The following SPIDR variants were observed in gnomAD, a reference collection of about 807,000 sequenced individuals.
SPIDR encodes the protein DNA repair-scaffolding protein.
SPIDR carries 93 observed loss-of-function variants against 104.6 expected under a neutral mutation model. The observed-to-expected ratio is 0.89, with a 90% CI of 0.75 to 1.06. The LOEUF is 1.06. Ranked by LOEUF, SPIDR falls within the 50% of genes least tolerant of loss-of-function variation. The probability of loss-of-function intolerance (pLI) is 0.00; values close to 1 mark genes in which losing one functional copy is unlikely to be tolerated. For synonymous variants in SPIDR, 431 were observed against 416.9 expected (o/e 1.03, Z -0.41); for missense variants, 1,154 against 1,111.2 (o/e 1.04, Z -0.55).
intron 8 of SPIDR, among the ~76,000 whole-genome samples, chr8:47,459,739 G>T (rs1452164765): frequency 6.6e-6 from 1 of 151,792 alleles, no homozygotes; most frequent in Non-Finnish European, 1.5e-5. Context: ...TTGTCTGTTT[G>T]TACTGTTTCA....
At chr8:47,290,972 G>T in intron 3 of SPIDR, 61 bp from the exon 4 acceptor site, 2 of 1,291,272 alleles carry the variant, frequency 1.5e-6, no homozygotes, top group Non-Finnish European at 1.1e-6. Flanking sequence ...GCATAAAATT[G>T]TATTCTGATA....
chr8:47,562,885 T>C (rs1302557977), intron 8 of SPIDR, among the ~76,000 whole-genome samples: 1 of 152,182 alleles, frequency 6.6e-6, no homozygotes, highest in Non-Finnish European at 1.5e-5. Flanking sequence ...ACGTTCAGTC[T>C]AGCCTTTATC....
intron 11 of SPIDR, among the ~76,000 whole-genome samples, chr8:47,683,379 A>G (rs553887968): frequency 1.8e-4 from 28 of 152,234 alleles, no homozygotes; most frequent in African/African-American, 6.5e-4. Context: ...CTTTTGCTGT[A>G]GTGGGTGAAC....
intron 8 of SPIDR, among the ~76,000 whole-genome samples, chr8:47,504,741 CTG>C (rs1247385836): frequency 6.6e-6 from 1 of 152,166 alleles, no homozygotes; most frequent in African/African-American, 2.4e-5. Flanking sequence ...TTTTTCTGCT[CTG>C]TTTTTTCTCC....
At chr8:47,430,847 T>C (rs1554688691) in intron 7 of SPIDR, among the ~76,000 whole-genome samples, 3 of 152,246 alleles carry the variant, frequency 2.0e-5, no homozygotes. Flanking sequence ...TCCTATTTTC[T>C]GAGCCAAAAT....
intron 7 of SPIDR, among the ~76,000 whole-genome samples, chr8:47,418,528 A>G (rs1424710185): frequency 1.3e-5 from 2 of 152,168 alleles, no homozygotes; most frequent in East Asian, 1.9e-4. Context: ...GGCTGAGACG[A>G]TGGGTTTTTC....
intron 5 of SPIDR, among the ~76,000 whole-genome samples, chr8:47,366,087 A>G (rs1286465935): frequency 6.6e-6 from 1 of 152,178 alleles, no homozygotes; most frequent in Non-Finnish European, 1.5e-5. Context: ...AGATAAAACC[A>G]GGTGGTATAG....
At chr8:47,673,046 G>A (rs1479385106) in intron 10 of SPIDR, among the ~76,000 whole-genome samples, 1 of 152,058 alleles carries the variant, frequency 6.6e-6, no homozygotes, top group Non-Finnish European at 1.5e-5. Flanking sequence ...TGTCCATTTT[G>A]TGATGTTATT....
intron 14 of SPIDR, among the ~76,000 whole-genome samples, chr8:47,707,252 CAAAAAA>C (rs34372972): frequency 1.0e-5 from 1 of 95,434 alleles, no homozygotes; most frequent in Non-Finnish European, 2.1e-5. Context: ...GACTCTTTCT[CAAAAAA>C]AAAAAAAAAA....
intron 19 of SPIDR, chr8:47,732,335 T>C (rs765169219): frequency 1.6e-6 from 1 of 639,564 alleles, no homozygotes; most frequent in Non-Finnish European, 2.8e-6. Flanking sequence ...CAGAGCACCT[T>C]TGCCCATGCC....
intron 1 of SPIDR, among the ~76,000 whole-genome samples, chr8:47,266,911 C>T (rs1554547276): frequency 1.3e-5 from 2 of 152,214 alleles, no homozygotes; most frequent in Non-Finnish European, 2.9e-5. Context: ...TCTCTTCCCT[C>T]ATCCATTGGC....
chr8:47,700,350 G>C, intron 11 of SPIDR, 53 bp from the exon 12 acceptor site: 1 of 1,574,102 alleles, frequency 6.4e-7, no homozygotes, highest in Non-Finnish European at 8.7e-7. Context: ...CACTGGCCAA[G>C]TACTCAGTAA....
At chr8:47,509,622 G>A (rs775521651) in intron 8 of SPIDR, among the ~76,000 whole-genome samples, 4 of 152,078 alleles carry the variant, frequency 2.6e-5, no homozygotes, top group African/African-American at 9.7e-5. Flanking sequence ...AAAGCAAGTC[G>A]CATAACTTTT....
intron 8 of SPIDR, among the ~76,000 whole-genome samples, chr8:47,549,838 C>T (rs1028538968): frequency 3.9e-5 from 6 of 152,116 alleles, no homozygotes; most frequent in Non-Finnish European, 7.3e-5. Flanking sequence ...GGAGTCCTTG[C>T]CCATGCCTAT....
intron 10 of SPIDR, among the ~76,000 whole-genome samples, chr8:47,600,163 G>A (rs1471823336): frequency 1.3e-5 from 2 of 152,244 alleles, no homozygotes; most frequent in Non-Finnish European, 2.9e-5. Flanking sequence ...TACTTCATCA[G>A]TTTGGTTTTG....
At chr8:47,311,654 C>T (rs1384827953) in intron 5 of SPIDR, among the ~76,000 whole-genome samples, 1 of 150,262 alleles carries the variant, frequency 6.7e-6, no homozygotes, top group Admixed American at 6.6e-5. Flanking sequence ...TTCATCTCTA[C>T]AAAAAGAAAA....
intron 8 of SPIDR, among the ~76,000 whole-genome samples, chr8:47,538,492 C>T (rs1041355904): frequency 1.3e-5 from 2 of 152,014 alleles, no homozygotes; most frequent in Admixed American, 6.5e-5. Flanking sequence ...TGCAATGAGA[C>T]GAGATCATGC....
At chr8:47,632,363 A>T (rs2067196989) in intron 10 of SPIDR, among the ~76,000 whole-genome samples, 1 of 152,128 alleles carries the variant, frequency 6.6e-6, no homozygotes, top group African/African-American at 2.4e-5. Flanking sequence ...GCTCAACATC[A>T]CACCCTTTCA....
chr8:47,374,874 T>C (rs1481801469), intron 5 of SPIDR, among the ~76,000 whole-genome samples: 2 of 152,180 alleles, frequency 1.3e-5, no homozygotes, highest in Admixed American at 1.3e-4. Flanking sequence ...CTGGCCAACA[T>C]GGTGAAACCC....
Sources: allele counts gnomAD v4.1 joint callset (sites outside exome capture counted in the v4.1 genomes callset), GRCh38; gene constraint gnomAD v4.1.1; transcripts MANE v1.5; gene names NCBI Gene and HGNC (gene_info 2026-07-23, HGNC 2026-07-21).